The following ZNF385D variants were observed in gnomAD, a reference collection of about 807,000 sequenced individuals.
The protein encoded by ZNF385D is zinc finger protein 659.
In ZNF385D, 15 loss-of-function variants were observed where a neutral mutation model predicts 35.8. That is an observed-to-expected ratio of 0.42 (90% CI 0.28 to 0.64). The LOEUF (loss-of-function observed/expected upper bound fraction) is 0.64. Among genes scored for constraint, ZNF385D ranks in the 30% least tolerant of loss-of-function variants. The probability of loss-of-function intolerance (pLI) is 0.23; values close to 1 mark genes in which losing one functional copy is unlikely to be tolerated. For synonymous variants in ZNF385D, 212 were observed against 186.8 expected (o/e 1.13, Z -1.10); for missense variants, 474 against 494.6 (o/e 0.96, Z 0.39).
chr3:22,247,797 G>T (rs972421642), intron 2 of ZNF385D, among the ~76,000 whole-genome samples: 3 of 151,810 alleles, frequency 2.0e-5, no homozygotes, highest in African/African-American at 2.4e-5. Context: ...TAGAGACGGG[G>T]TTTCACCATG....
intron 4 of ZNF385D, among the ~76,000 whole-genome samples, chr3:21,477,684 A>G (rs899344532): frequency 2.0e-5 from 3 of 151,924 alleles, no homozygotes; most frequent in African/African-American, 7.3e-5. Context: ...TCCCCTATCA[A>G]CCAATGTAAT....
chr3:21,714,248 C>G (rs916416636), intron 1 of ZNF385D, among the ~76,000 whole-genome samples: 2 of 152,184 alleles, frequency 1.3e-5, no homozygotes, highest in Non-Finnish European at 2.9e-5. Flanking sequence ...AACAAACTAC[C>G]TTTCCTGACA....
At chr3:21,890,546 G>C (rs1698796964) in intron 3 of ZNF385D, among the ~76,000 whole-genome samples, 1 of 152,170 alleles carries the variant, frequency 6.6e-6, no homozygotes, top group Admixed American at 6.5e-5. Flanking sequence ...TGGAACCTGG[G>C]AGGCGGAGGT....
At chr3:21,686,307 T>G (rs1402943319) in intron 1 of ZNF385D, among the ~76,000 whole-genome samples, 1 of 152,148 alleles carries the variant, frequency 6.6e-6, no homozygotes, top group Non-Finnish European at 1.5e-5. Context: ...TTTTGGCAAG[T>G]GCAGATTATG....
chr3:21,658,713 T>G (rs1369263014), intron 2 of ZNF385D, among the ~76,000 whole-genome samples: 1 of 152,038 alleles, frequency 6.6e-6, no homozygotes, highest in Non-Finnish European at 1.5e-5. Flanking sequence ...TATCTCAGAT[T>G]CCAAAGCAAA....
chr3:21,545,216 T>A (rs181466735), intron 3 of ZNF385D, among the ~76,000 whole-genome samples: 10 of 152,362 alleles, frequency 6.6e-5, no homozygotes, highest in Non-Finnish European at 1.5e-4. Flanking sequence ...TTTTCAAAGA[T>A]GGTTTAAAAT....
At chr3:22,108,455 G>A (rs558630698) in intron 3 of ZNF385D, among the ~76,000 whole-genome samples, 1 of 151,884 alleles carries the variant, frequency 6.6e-6, no homozygotes, top group African/African-American at 2.4e-5. Flanking sequence ...GCTTCCTGAT[G>A]ACAGGGATTA....
intron 3 of ZNF385D, among the ~76,000 whole-genome samples, chr3:21,771,537 C>T (rs1272263689): frequency 6.6e-6 from 1 of 151,568 alleles, no homozygotes; most frequent in Non-Finnish European, 1.5e-5. Flanking sequence ...GATGACAACT[C>T]TACCAGACAA....
At chr3:21,681,806 T>G (rs555545792) in intron 1 of ZNF385D, among the ~76,000 whole-genome samples, 1 of 119,382 alleles carries the variant, frequency 8.4e-6, no homozygotes, top group Non-Finnish European at 1.8e-5. Context: ...TCAAACTTAA[T>G]GTGATGAAAT....
chr3:21,876,561 C>T (rs76910514), intron 3 of ZNF385D, among the ~76,000 whole-genome samples: 2,336 of 151,848 alleles, frequency 0.015, 35 homozygotes, highest in East Asian at 0.072. Context: ...ACATTTATTA[C>T]GTTTATTGAG....
At chr3:22,162,265 T>G (rs1559418273) in intron 3 of ZNF385D, among the ~76,000 whole-genome samples, 3 of 152,140 alleles carry the variant, frequency 2.0e-5, no homozygotes. Context: ...TTTGGCATAT[T>G]TTAAGATGCT....
chr3:21,890,680 C>T (rs1698806213), intron 3 of ZNF385D, among the ~76,000 whole-genome samples: 2 of 152,030 alleles, frequency 1.3e-5, no homozygotes, highest in African/African-American at 2.4e-5. Context: ...GTGACACAGA[C>T]AGGTATGAGA....
At chr3:21,817,597 G>A (rs1467702430) in intron 3 of ZNF385D, among the ~76,000 whole-genome samples, 2 of 152,194 alleles carry the variant, frequency 1.3e-5, no homozygotes, top group African/African-American at 2.4e-5. Flanking sequence ...CTGGCCATCA[G>A]AGAAATGCAA....
intron 2 of ZNF385D, among the ~76,000 whole-genome samples, chr3:22,349,114 C>A (rs753720277): frequency 6.6e-6 from 1 of 152,134 alleles, no homozygotes; most frequent in African/African-American, 2.4e-5. Context: ...CTATACTATA[C>A]CTCTCTCAAG....
chr3:22,174,190 C>T (rs1214656622), intron 2 of ZNF385D, among the ~76,000 whole-genome samples: 1 of 152,054 alleles, frequency 6.6e-6, no homozygotes, highest in Non-Finnish European at 1.5e-5. Context: ...AGTTGACAAC[C>T]AAACCCAATT....
At chr3:22,109,606 T>C (rs9832158) in intron 3 of ZNF385D, among the ~76,000 whole-genome samples, 36,449 of 152,046 alleles carry the variant, frequency 0.24, 4,759 homozygotes, top group Non-Finnish European at 0.28. Context: ...AAATGTCTCC[T>C]ATTATTATTG....
At chr3:21,629,877 T>C (rs1382952503) in intron 2 of ZNF385D, among the ~76,000 whole-genome samples, 1 of 152,164 alleles carries the variant, frequency 6.6e-6, no homozygotes, top group African/African-American at 2.4e-5. Flanking sequence ...TATTCTGACA[T>C]CATTTCATTA....
intron 3 of ZNF385D, among the ~76,000 whole-genome samples, chr3:21,832,096 T>G (rs1456364665): frequency 2.0e-5 from 3 of 149,594 alleles, no homozygotes; most frequent in African/African-American, 7.4e-5. Flanking sequence ...TGTTCACGTA[T>G]TTCTCTCATC....
chr3:22,347,612 T>A (rs1695717786), intron 2 of ZNF385D, among the ~76,000 whole-genome samples: 1 of 152,192 alleles, frequency 6.6e-6, no homozygotes, highest in South Asian at 2.1e-4. Context: ...AAATAGATTC[T>A]CCAGCTTGGT....
Sources: allele counts gnomAD v4.1 joint callset (sites outside exome capture counted in the v4.1 genomes callset), GRCh38; gene constraint gnomAD v4.1.1; transcripts MANE v1.5; gene names NCBI Gene and HGNC (gene_info 2026-07-23, HGNC 2026-07-21).